The following GALNTL5 variants were observed in gnomAD, a reference collection of about 807,000 sequenced individuals.
GALNTL5 encodes the protein inactive polypeptide N-acetylgalactosaminyltransferase-like protein 5.
Under a neutral mutation model 51.0 loss-of-function variants are expected in GALNTL5, and 44 were observed. The observed-to-expected ratio is 0.86, with a 90% CI of 0.68 to 1.11. The LOEUF is 1.11. Among genes scored for constraint, GALNTL5 ranks in the 50% least tolerant of loss-of-function variants. The pLI is 0.00. For synonymous variants in GALNTL5, 192 were observed against 182.8 expected (o/e 1.05, Z -0.41); for missense variants, 528 against 531.8 (o/e 0.99, Z 0.07).
chr7:152,005,817 C>T (rs566272838), intron 6 of GALNTL5, among the ~76,000 whole-genome samples: 1 of 152,282 alleles, frequency 6.6e-6, no homozygotes, highest in African/African-American at 2.4e-5. Context: ...ACTTAGGACT[C>T]AATCTATAAC....
At chr7:151,982,108 CA>C (rs2081299075) in intron 3 of GALNTL5, among the ~76,000 whole-genome samples, 1 of 151,884 alleles carries the variant, frequency 6.6e-6, no homozygotes, top group South Asian at 2.1e-4. Context: ...TATGCACACA[CA>C]CAAAAAAATA....
chr7:152,003,125 G>A (rs2081603771), intron 6 of GALNTL5, among the ~76,000 whole-genome samples, 162 bp downstream of exon 6: 1 of 152,100 alleles, frequency 6.6e-6, no homozygotes, highest in Non-Finnish European at 1.5e-5. Flanking sequence ...ATTGTTAATA[G>A]AATCACTTAG....
At chr7:152,014,430 G>T (rs1054555348) in intron 7 of GALNTL5, among the ~76,000 whole-genome samples, 9 of 152,136 alleles carry the variant, frequency 5.9e-5, no homozygotes, top group Non-Finnish European at 1.2e-4. Context: ...ACCACGCCTG[G>T]CTAATTTTTG....
chr7:151,967,806 G>T lies in GALNTL5; in HGVS notation c.247+313G>T, dbSNP rs150049058. ...TCCCGTCCCCACGCCACCCTCAGAG[G>T]TTGTCTGACCTGAATTGATGGGTGT... is the stretch of plus-strand genomic sequence containing the variant. On this transcript the variant is annotated intron_variant, in intron 2 of 8. Transcript: ENST00000392800. Among the ~76,000 whole-genome samples, 399 of 152,196 alleles carry T rather than the reference G, an allele frequency of 2.6e-3. 4 individuals are homozygous for T. Among genetic ancestry groups the T allele is most frequent in the African/African-American group, 9.3e-3 (387 of 41,514 alleles).
At chr7:152,006,848 A>C (rs144101013) in intron 6 of GALNTL5, among the ~76,000 whole-genome samples, 13 of 152,118 alleles carry the variant, frequency 8.5e-5, no homozygotes, top group Middle Eastern at 3.4e-3. Flanking sequence ...ATCTCAGCTC[A>C]CTGCAGCCTC....
chr7:151,985,759 G>C (rs1036775965), intron 4 of GALNTL5: 2 of 152,852 alleles, frequency 1.3e-5, no homozygotes, highest in Non-Finnish European at 2.9e-5. Flanking sequence ...CCAGGGCCTG[G>C]CTCATGGCGT....
chr7:152,016,440 A>T (rs2081815144), intron 8 of GALNTL5, among the ~76,000 whole-genome samples: 1 of 151,632 alleles, frequency 6.6e-6, no homozygotes, highest in African/African-American at 2.4e-5. Context: ...CCCGAGTGTC[A>T]GTGAGCAATA....
chr7:151,956,861 A>T (rs963988158), intron 1 of GALNTL5, among the ~76,000 whole-genome samples: 1 of 152,148 alleles, frequency 6.6e-6, no homozygotes, highest in Admixed American at 6.5e-5. Context: ...ACTTTTCATT[A>T]CATGTGTCTT....
rs1209671030 is a variant in GALNTL5, at chr7:152,002,752, A to G, written c.697A>G (p.Asn233Asp). 6.2e-7 allele frequency: 1 copy of G among 1,614,164 alleles called. No individual in the cohort carries two copies. The highest frequency in any genetic ancestry group is 8.5e-7 in the Non-Finnish European group (1 of 1,180,022). The change falls in exon 6 of 9, where the codon AAC (asparagine) becomes GAC (aspartate). Residue 233 changes from asparagine (N) to aspartate (D), a missense_variant. Physicochemically the swap from Asn to Asp is conservative, Grantham distance 23. Transcript: ENST00000392800. Reference protein sequence around the residue: ...LVFLDSHCEVNRVWLEPLLHA... With the variant: ...LVFLDSHCEVDRVWLEPLLHA... The stretch of plus-strand genomic sequence containing the variant: ...GTTCCTGGACAGCCACTGTGAGGTG[A>G]ACAGAGTATGGCTGGAGCCCCTGCT...
At chr7:151,973,874 G>A (rs1397985684) in intron 3 of GALNTL5, among the ~76,000 whole-genome samples, 1 of 152,156 alleles carries the variant, frequency 6.6e-6, no homozygotes, top group African/African-American at 2.4e-5. Context: ...GGCCAGGTGG[G>A]AGGTGATTGG....
At chr7:151,990,371 A>G (rs1445800046) in intron 5 of GALNTL5, among the ~76,000 whole-genome samples, 1 of 151,746 alleles carries the variant, frequency 6.6e-6, no homozygotes, top group African/African-American at 2.4e-5. Flanking sequence ...TAAGTTCACC[A>G]GAAAGCCCAC....
At chr7:151,988,146 T>C (rs2081384231) in intron 5 of GALNTL5, among the ~76,000 whole-genome samples, 1 of 152,210 alleles carries the variant, frequency 6.6e-6, no homozygotes, top group African/African-American at 2.4e-5. Context: ...GGACCAGGCA[T>C]GGACCAGTCA....
chr7:151,981,950 G>C (rs7805252), intron 3 of GALNTL5, among the ~76,000 whole-genome samples: 147,905 of 151,408 alleles, frequency 0.98, 72,330 homozygotes, highest in East Asian at 1. Flanking sequence ...GCCAGCCACA[G>C]CTCCTTTTCT....
At chr7:152,005,238 CAA>C (rs2081629327) in intron 6 of GALNTL5, among the ~76,000 whole-genome samples, 1 of 151,528 alleles carries the variant, frequency 6.6e-6, no homozygotes, top group Admixed American at 6.6e-5. Flanking sequence ...CACACACACA[CAA>C]AAAGCAAAAT....
intron 1 of GALNTL5, among the ~76,000 whole-genome samples, chr7:151,957,142 GAAAAAA>G (rs71198743): frequency 8.3e-4 from 83 of 100,230 alleles, no homozygotes; most frequent in African/African-American, 1.9e-3. Flanking sequence ...TCTGTCTCGA[GAAAAAA>G]AAAAAAAAAA....
chr7:151,970,865 T>C, intron 2 of GALNTL5, 80 bp from the exon 3 acceptor site: 1 of 1,169,374 alleles, frequency 8.6e-7, no homozygotes, highest in Admixed American at 2.5e-5. Context: ...AAAATTGTTT[T>C]GGTTATTCTA....
At chr7:152,000,507 C>T (rs1424805441) in intron 5 of GALNTL5, among the ~76,000 whole-genome samples, 1 of 152,180 alleles carries the variant, frequency 6.6e-6, no homozygotes, top group Non-Finnish European at 1.5e-5. Flanking sequence ...GTTCTCTGTA[C>T]TCCTCCCCTC....
intron 7 of GALNTL5, among the ~76,000 whole-genome samples, chr7:152,013,248 C>T (rs2081762254): frequency 6.6e-6 from 1 of 151,932 alleles, no homozygotes; most frequent in South Asian, 2.1e-4. Context: ...GTGCGATGCT[C>T]ATTACCTGGG....
intron 3 of GALNTL5, among the ~76,000 whole-genome samples, chr7:151,971,762 A>G (rs1563004762): frequency 6.6e-6 from 1 of 152,126 alleles, no homozygotes; most frequent in East Asian, 1.9e-4. Context: ...TGCTGTTCTC[A>G]TGATAGTGAG....
Sources: gnomAD v4.1 joint callset for allele counts (sites outside exome capture counted in the v4.1 genomes callset) on GRCh38, gnomAD v4.1.1 for gene constraint, MANE v1.5 for transcripts, NCBI Gene and HGNC (gene_info 2026-07-23, HGNC 2026-07-21) for gene names.